The following USP32 variants were observed in gnomAD, a reference collection of about 807,000 sequenced individuals.
USP32 encodes the protein ubiquitin carboxyl-terminal hydrolase 32.
In USP32, 59 loss-of-function variants were observed where a neutral mutation model predicts 204.8. The ratio of observed to expected loss-of-function variants is 0.29; its 90% CI spans 0.23 to 0.36. The LOEUF is 0.36. Ranked by LOEUF, USP32 falls within the 10% of genes least tolerant of loss-of-function variation. The probability of loss-of-function intolerance (pLI) is 1.00; values close to 1 mark genes in which losing one functional copy is unlikely to be tolerated. For synonymous variants in USP32, 517 were observed against 678.4 expected (o/e 0.76, Z 3.70); for missense variants, 1,160 against 1,946.4 (o/e 0.60, Z 7.60).
chr17:60,273,777 G>A (rs1458438925), intron 5 of USP32, among the ~76,000 whole-genome samples: 1 of 151,856 alleles, frequency 6.6e-6, no homozygotes, highest in African/African-American at 2.4e-5. Flanking sequence ...TGGCCAATAT[G>A]GTGAAACCCC....
At chr17:60,213,712 AC>A (rs2085029816) in intron 17 of USP32, 50 bp from the exon 18 acceptor site, 1 of 1,392,658 alleles carries the variant, frequency 7.2e-7, no homozygotes, top group African/African-American at 1.6e-5. Context: ...TAAACTTGAA[AC>A]AAATACAGAG....
At chr17:60,221,345 G>A (rs772716940) in intron 15 of USP32, among the ~76,000 whole-genome samples, 5 of 152,036 alleles carry the variant, frequency 3.3e-5, no homozygotes, top group African/African-American at 9.7e-5. Context: ...TTTCATAAAC[G>A]TAATTATTAA....
chr17:60,186,253 C>T (rs1378212883), intron 29 of USP32, among the ~76,000 whole-genome samples: 1 of 152,186 alleles, frequency 6.6e-6, no homozygotes, highest in Non-Finnish European at 1.5e-5. Context: ...CTTTGGAATC[C>T]TATAAGGGAT....
chr17:60,343,301 C>A (rs1292991595), intron 2 of USP32, among the ~76,000 whole-genome samples: 1 of 152,086 alleles, frequency 6.6e-6, no homozygotes, highest in Non-Finnish European at 1.5e-5. Flanking sequence ...ACCAAGCAGA[C>A]CTAATAGAAA....
chr17:60,400,288 C>A (rs922377428), intron 1 of USP32, among the ~76,000 whole-genome samples: 3 of 152,120 alleles, frequency 2.0e-5, no homozygotes, highest in Admixed American at 6.6e-5. Context: ...AAAAAGATAT[C>A]TCTGACTGCT....
At chr17:60,348,323 G>A (rs2088839170) in intron 1 of USP32, among the ~76,000 whole-genome samples, 1 of 152,018 alleles carries the variant, frequency 6.6e-6, no homozygotes, top group Non-Finnish European at 1.5e-5. Flanking sequence ...ACTAGAAGAA[G>A]CCAGTGTTTC....
chr17:60,203,747 T>C (rs1038335233), intron 26 of USP32, among the ~76,000 whole-genome samples: 4 of 152,114 alleles, frequency 2.6e-5, no homozygotes, highest in African/African-American at 9.7e-5. Context: ...TGGCTGATTG[T>C]TGTATTTTTA....
chr17:60,385,416 C>A (rs746076148), intron 1 of USP32, among the ~76,000 whole-genome samples: 1 of 152,204 alleles, frequency 6.6e-6, no homozygotes, highest in Admixed American at 6.5e-5. Flanking sequence ...TGTGGTGGCA[C>A]ACGCCTGTAG....
At chr17:60,216,304 A>C (rs1480625749) in intron 16 of USP32, among the ~76,000 whole-genome samples, 1 of 151,610 alleles carries the variant, frequency 6.6e-6, no homozygotes, top group Admixed American at 6.5e-5. Context: ...AAAAAAAAAA[A>C]AACATCATTA....
intron 7 of USP32, 115 bp downstream of exon 7, chr17:60,269,335 A>C: frequency 1.3e-6 from 1 of 752,036 alleles, no homozygotes; most frequent in Admixed American, 3.1e-5. Context: ...AATATTTGTT[A>C]ATCTGACAAA....
intron 29 of USP32, among the ~76,000 whole-genome samples, chr17:60,187,322 G>A (rs1191398457): frequency 6.6e-6 from 1 of 152,184 alleles, no homozygotes; most frequent in Non-Finnish European, 1.5e-5. Flanking sequence ...GGAACTTAGA[G>A]GAAAATTCTT....
At position 60,192,906 on chromosome 17, in the gene USP32, A is replaced by G. The variant is rs1445499140; in HGVS notation, c.3459T>C (p.Tyr1153=). The G allele has an allele frequency of 3.1e-6, 5 of 1,613,752 alleles. No homozygotes were observed. In the Admixed American group the frequency reaches 5.0e-5, roughly 16 times the overall value. The change falls in exon 28 of 34, where the codon TAT becomes TAC. Residue 1153 remains tyrosine, a synonymous_variant. Transcript: ENST00000300896. The part of the protein sequence containing the change: ...QDCDDSMGYQ[Y]PFTLRVVQKD... ...TCTGCACAACTCGTAGAGTGAATGGATATTGATAGCCCATACTGTCGTCAC... is the reference window on the plus strand; with the variant it reads ...TCTGCACAACTCGTAGAGTGAATGGGTATTGATAGCCCATACTGTCGTCAC...
intron 29 of USP32, among the ~76,000 whole-genome samples, chr17:60,189,759 C>T (rs1381745937): frequency 6.6e-6 from 1 of 152,194 alleles, no homozygotes; most frequent in Non-Finnish European, 1.5e-5. Context: ...CTTTTCTGAT[C>T]ACTCTGCCTA....
chr17:60,222,424 C>T lies in USP32; in HGVS notation c.1734G>A (p.Leu578=). The T allele has an allele frequency of 6.2e-7, 1 of 1,614,008 alleles. No individual in the cohort carries two copies. Among genetic ancestry groups the T allele is most frequent in the South Asian group, 1.1e-5 (1 of 91,066 alleles). Reference sequence around the variant, plus strand: ...CTATACTTACTGGTCTAGGTAAGGCCAGGTTTGCTCCATACCAGTGATAAA... The same window carrying T: ...CTATACTTACTGGTCTAGGTAAGGCTAGGTTTGCTCCATACCAGTGATAAA... ...RALYHWYGAN[L]ALPRPVIKNS... is the part of the protein sequence containing the mutation. Residue 578 remains leucine (L), a synonymous_variant, in exon 15 of 34, where the codon CTG becomes CTA. Transcript: ENST00000300896.
intron 1 of USP32, among the ~76,000 whole-genome samples, chr17:60,401,132 G>A (rs2089931575): frequency 6.6e-6 from 1 of 151,828 alleles, no homozygotes; most frequent in Non-Finnish European, 1.5e-5. Context: ...CTCCAACCTG[G>A]GTGACAGAAA....
At chr17:60,392,973 CG>C (rs527513153), upstream of USP32, among the ~76,000 whole-genome samples, 680 of 148,900 alleles carry the variant, frequency 4.6e-3, 1 homozygote, top group Admixed American at 0.011. Flanking sequence ...GTAAAATATA[CG>C]TAACAAAATG....
At chr17:60,382,209 CA>C (rs2089657803) in intron 1 of USP32, among the ~76,000 whole-genome samples, 1 of 152,254 alleles carries the variant, frequency 6.6e-6, no homozygotes, top group East Asian at 1.9e-4. Context: ...GCCCAGATGT[CA>C]AGTTCTCTCA....
chr17:60,325,075 A>G (rs1349676002), intron 2 of USP32, among the ~76,000 whole-genome samples: 2 of 152,218 alleles, frequency 1.3e-5, no homozygotes, highest in African/African-American at 2.4e-5. Flanking sequence ...AAGCATAGGA[A>G]AAAATAAGGC....
chr17:60,393,687 C>CT (rs1218263132), upstream of USP32, among the ~76,000 whole-genome samples: 3,717 of 141,734 alleles, frequency 0.026, 68 homozygotes, highest in African/African-American at 0.047. Flanking sequence ...CTGTGTTTTT[C>CT]TTTTTTTTTT....
Sources: allele counts gnomAD v4.1 joint callset (sites outside exome capture counted in the v4.1 genomes callset), GRCh38; gene constraint gnomAD v4.1.1; transcripts MANE v1.5; gene names NCBI Gene and HGNC (gene_info 2026-07-23, HGNC 2026-07-21).